PTS: variants seen among roughly 807,000 people sequenced by gnomAD.
PTS encodes the protein 6-pyruvoyltetrahydropterin synthase, also known as 6-pyruvoyl tetrahydrobiopterin synthase.
In PTS, 23 loss-of-function variants were observed where a neutral mutation model predicts 20.6. The ratio of observed to expected loss-of-function variants is 1.12; its 90% CI spans 0.80 to 1.58. PTS has a LOEUF of 1.58. Ranked by LOEUF, PTS falls within the 40% of genes most tolerant of loss-of-function variation. PTS has a pLI of 0.00. For synonymous variants in PTS, 65 were observed against 62.5 expected (o/e 1.04, Z -0.19); for missense variants, 186 against 182.4 (o/e 1.02, Z -0.11).
Position 112,230,832 on chromosome 11 carries a change from T to C in PTS, c.243+150T>C. The C allele has an allele frequency of 5.2e-6, 4 of 774,316 alleles. No homozygotes were observed. The South Asian group carries it at 5.7e-5, about 11-fold the overall frequency. The allele number at this position is 774,316 out of a possible 1,614,324, so 48.0% of individuals were successfully genotyped here. A position where few individuals can be genotyped will look rare whatever the true frequency, so the allele number is the denominator to read the frequency against. On this transcript the variant is annotated intron_variant, in intron 4 of 5. Transcript: ENST00000280362. Reference sequence around the variant, plus strand: ...GGTGTTGGGGAATAGTTGGAAGAACTGCTCGCATGGCCTCTAAAGGTGTTT... The same window carrying C: ...GGTGTTGGGGAATAGTTGGAAGAACCGCTCGCATGGCCTCTAAAGGTGTTT...
At chr11:112,231,245 A>G (rs1371384438) in intron 4 of PTS, among the ~76,000 whole-genome samples, 1 of 152,108 alleles carries the variant, frequency 6.6e-6, no homozygotes, top group Non-Finnish European at 1.5e-5. Flanking sequence ...TAGACACCAC[A>G]CTGTGTTGTT....
In PTS at chr11:112,233,481, C is replaced by A. The variant is rs372196281; in HGVS notation, c.364C>A (p.Leu122Ile). 2.5e-6 allele frequency: 4 copies of A among 1,613,354 alleles called. No individual in the cohort carries two copies. The highest frequency in any genetic ancestry group is 1.7e-5 in the Admixed American group (1 of 59,970). ...VYIWDNLQKV[L>I]PVGVLYKVKV... ...TATCTGGGACAACCTCCAGAAAGTT[C>A]TTCCTGTAGGAGTTCTTTATAAAGT... Residue 122 changes from leucine (L) to isoleucine (I), a missense_variant, in exon 6 of 6, where the codon CTT becomes ATT. Coordinates refer to ENST00000280362, the MANE Select transcript of PTS (RefSeq NM_000317.3).
intron 5 of PTS, 52 bp downstream of exon 5, chr11:112,233,285 T>G: frequency 6.4e-7 from 1 of 1,572,082 alleles, no homozygotes; most frequent in South Asian, 1.1e-5. Context: ...AGAATTGATT[T>G]GAATACTTTG....
At position 112,233,148 on chromosome 11, in the gene PTS, T is replaced by C. The variant is rs1859963010; in HGVS notation, c.244-15T>C. 3 of 1,609,334 alleles carry C rather than the reference T, an allele frequency of 1.9e-6. No homozygotes were observed. Among genetic ancestry groups the C allele is most frequent in the Non-Finnish European group, 1.7e-6 (2 of 1,175,596 alleles). On this transcript the variant is annotated splice_polypyrimidine_tract_variant and intron_variant, in intron 4 of 5. Transcript: ENST00000280362. Reference sequence around the variant, plus strand: ...AAATGGAGTCAATGATATTTTCCCTTGGTTTTGTCTCTAGGAGGCGATTAT... The same window carrying C: ...AAATGGAGTCAATGATATTTTCCCTCGGTTTTGTCTCTAGGAGGCGATTAT...
At chr11:112,231,846 G>A (rs550833299) in intron 4 of PTS, among the ~76,000 whole-genome samples, 2 of 148,406 alleles carry the variant, frequency 1.3e-5, no homozygotes, top group African/African-American at 5.0e-5. Context: ...CATTTATGGG[G>A]CAGGGGTTGG....
At chr11:112,226,647 G>T in intron 1 of PTS, 121 bp downstream of exon 1, 1 of 706,322 alleles carries the variant, frequency 1.4e-6, no homozygotes, top group South Asian at 4.7e-5. Flanking sequence ...CTGCTGGGGC[G>T]ACGCGCGCTG....
rs752523532 is a variant in PTS, at chr11:112,230,705, T to C, written c.243+23T>C. On this transcript the variant is annotated intron_variant, in intron 4 of 5. Coordinates refer to ENST00000280362, the MANE Select transcript of PTS (RefSeq NM_000317.3). ...GAGGTAATGGCATGTTGGGTGCTTA[T>C]TATGTGCTATTCCCTAACTGTAATA... is the stretch of plus-strand genomic sequence containing the variant. 3.2e-6 allele frequency: 5 copies of C among 1,580,108 alleles called. No individual in the cohort carries two copies. In the East Asian group the frequency reaches 8.9e-5, roughly 28 times the overall value.
At chr11:112,226,831 C>T (rs1230439940) in intron 1 of PTS, among the ~76,000 whole-genome samples, 1 of 151,800 alleles carries the variant, frequency 6.6e-6, no homozygotes, top group African/African-American at 2.4e-5. Context: ...AACGTCTCTG[C>T]CCCTAGGAGT....
intron 2 of PTS, among the ~76,000 whole-genome samples, chr11:112,229,683 C>T (rs566580819): frequency 6.6e-4 from 100 of 152,292 alleles, no homozygotes; most frequent in Non-Finnish European, 1.1e-3. Context: ...TGAGCCACCA[C>T]GCCTGGCCAA....
At chr11:112,227,973 A>G (rs562267400) in intron 1 of PTS, among the ~76,000 whole-genome samples, 2 of 152,382 alleles carry the variant, frequency 1.3e-5, no homozygotes, top group South Asian at 4.1e-4. Context: ...GGGTATAAGT[A>G]TAAACATTAA....
chr11:112,228,462 C>G (rs907258108), intron 1 of PTS, 132 bp from the exon 2 acceptor site: 2 of 746,724 alleles, frequency 2.7e-6, no homozygotes, highest in Admixed American at 2.7e-5. Flanking sequence ...TCTGACTCTC[C>G]CTTTGGTGAG....
At chr11:112,231,973 AAAAG>A (rs1450970310) in intron 4 of PTS, among the ~76,000 whole-genome samples, 3 of 144,672 alleles carry the variant, frequency 2.1e-5, no homozygotes, top group Admixed American at 1.3e-4. Flanking sequence ...AAAAGAAAAG[AAAAG>A]AAAGAAAAGA....
chr11:112,226,556 G>A (rs764674708), intron 1 of PTS, 30 bp downstream of exon 1: 4 of 1,508,832 alleles, frequency 2.7e-6, no homozygotes, highest in Non-Finnish European at 2.7e-6. Context: ...ACAGCGGCGG[G>A]CGGTGGGCGC....
intron 4 of PTS, among the ~76,000 whole-genome samples, chr11:112,232,887 T>A (rs1346968981): frequency 6.6e-6 from 1 of 152,230 alleles, no homozygotes; most frequent in Non-Finnish European, 1.5e-5. Flanking sequence ...TTACAATGGC[T>A]TGTGTTGCGA....
In PTS at chr11:112,230,692, T is replaced by A. The variant is rs1859918965; in HGVS notation, c.243+10T>A. 6.2e-7 allele frequency: 1 copy of A among 1,602,546 alleles called. No individual in the cohort carries two copies. The highest frequency in any genetic ancestry group is 1.1e-5 in the South Asian group (1 of 90,862). On this transcript the variant is annotated intron_variant, in intron 4 of 5. Coordinates refer to ENST00000280362, the MANE Select transcript of PTS (RefSeq NM_000317.3). Reference sequence around the variant, plus strand: ...CAAAAAATATATGGAGGTAATGGCATGTTGGGTGCTTATTATGTGCTATTC... The same window carrying A: ...CAAAAAATATATGGAGGTAATGGCAAGTTGGGTGCTTATTATGTGCTATTC...
At chr11:112,230,362 G>T in intron 3 of PTS, 132 bp downstream of exon 3, 3 of 1,147,166 alleles carry the variant, frequency 2.6e-6, no homozygotes, top group Non-Finnish European at 4.0e-6. Flanking sequence ...TGTGTGTGTG[G>T]TGAGCTGCCG....
At chr11:112,233,333 T>C (rs1859968110) in intron 5 of PTS, 99 bp from the exon 6 acceptor site, 1 of 1,537,258 alleles carries the variant, frequency 6.5e-7, no homozygotes, top group African/African-American at 1.4e-5. Context: ...TTTAATGAAA[T>C]CTTTCGAAAC....
chr11:112,228,846 G>A (rs1859897416), intron 2 of PTS, 173 bp downstream of exon 2: 1 of 666,120 alleles, frequency 1.5e-6, no homozygotes, highest in Non-Finnish European at 2.6e-6. Flanking sequence ...GGTTGGGTGT[G>A]TGTTAAGTTT....
Position 112,233,173 on chromosome 11 carries a change from T to G in PTS, c.254T>G (p.Met85Arg). Residue 85 changes from methionine to arginine, a missense_variant, in exon 5 of 6, where the codon ATG becomes AGG. Coordinates refer to ENST00000280362, the MANE Select transcript of PTS (RefSeq NM_000317.3). The part of the protein sequence containing the change: ...DLKKYMEEAI[M>R]QPLDHKNLDM... The stretch of plus-strand genomic sequence containing the variant: ...TGGTTTTGTCTCTAGGAGGCGATTA[T>G]GCAGCCCCTTGATCATAAGAATCTG... 6.2e-7 allele frequency: 1 copy of G among 1,614,004 alleles called. No homozygotes were observed. Among genetic ancestry groups the G allele is most frequent in the Non-Finnish European group, 8.5e-7 (1 of 1,179,874 alleles).
Sources: gnomAD v4.1 joint callset for allele counts (sites outside exome capture counted in the v4.1 genomes callset) on GRCh38, gnomAD v4.1.1 for gene constraint, MANE v1.5 for transcripts, NCBI Gene and HGNC (gene_info 2026-07-23, HGNC 2026-07-21) for gene names.